The following IRAK2 variants were observed in gnomAD, a reference collection of about 807,000 sequenced individuals.
The protein encoded by IRAK2 is interleukin 1 receptor associated kinase 2, also known as interleukin-1 receptor-associated kinase-like 2.
In IRAK2, 57 loss-of-function variants were observed where a neutral mutation model predicts 72.0. That is an observed-to-expected ratio of 0.79 (90% CI 0.64 to 0.99). The LOEUF (loss-of-function observed/expected upper bound fraction) is 0.99, where lower values mean the gene tolerates loss of function less well. Ranked by LOEUF, IRAK2 falls within the 50% of genes least tolerant of loss-of-function variation. The probability of loss-of-function intolerance (pLI) is 0.00; values close to 1 mark genes in which losing one functional copy is unlikely to be tolerated. For synonymous variants in IRAK2, 293 were observed against 312.7 expected (o/e 0.94, Z 0.67); for missense variants, 790 against 794.4 (o/e 0.99, Z 0.07).
intron 8 of IRAK2, 103 bp from the exon 9 acceptor site, chr3:10,222,533 G>T: frequency 1.1e-6 from 1 of 887,788 alleles, no homozygotes; most frequent in South Asian, 1.5e-5. Context: ...ACCTCAACTT[G>T]CAGGAGGTGA....
chr3:10,215,801 A>G (rs1279815319), intron 6 of IRAK2, among the ~76,000 whole-genome samples: 1 of 149,806 alleles, frequency 6.7e-6, no homozygotes, highest in Non-Finnish European at 1.5e-5. Flanking sequence ...TACATCTAAT[A>G]AAAACTGGAA....
chr3:10,165,724 T>C lies in IRAK2; in HGVS notation c.94+676T>C, dbSNP rs1209842902. ...TTGGCCAGACTGGTCTTGAACTATT[T>C]TTTTTTTTTTTTTTTTTTTTTTTTA... On this transcript the variant is annotated intron_variant, in intron 1 of 12. Transcript: ENST00000256458. Among the ~76,000 whole-genome samples, 54 of 20,094 alleles carry C rather than the reference T, an allele frequency of 2.7e-3. 1 individual carries two copies. Among genetic ancestry groups the C allele is most frequent in the Non-Finnish European group, 7.3e-4 (7 of 9,638 alleles). The allele number at this position is 20,094 out of a possible 152,430, so 13.2% of individuals were successfully genotyped here.
Position 10,226,240 on chromosome 3 carries a change from G to C in IRAK2, c.1210-131G>C, listed in dbSNP as rs571312535. The C allele has an allele frequency of 4.4e-3, 2,615 of 588,846 alleles. 10 individuals carry two copies. Among genetic ancestry groups the C allele is most frequent in the Non-Finnish European group, 6.3e-3 (2,047 of 327,148 alleles). The allele number at this position is 588,846 out of a possible 1,614,324, so 36.5% of individuals were successfully genotyped here. On this transcript the variant is annotated intron_variant, in intron 9 of 12. Coordinates refer to ENST00000256458, the MANE Select transcript of IRAK2 (RefSeq NM_001570.4). Reference sequence around the variant, plus strand: ...GTGATATTCCCATGTTCCAGATTTTGGGCAGGTGTGTCTGCTGGCAATGGC... The same window carrying C: ...GTGATATTCCCATGTTCCAGATTTTCGGCAGGTGTGTCTGCTGGCAATGGC...
At chr3:10,231,234 C>T (rs1174260484) in intron 10 of IRAK2, among the ~76,000 whole-genome samples, 2 of 152,090 alleles carry the variant, frequency 1.3e-5, no homozygotes, top group African/African-American at 2.4e-5. Flanking sequence ...CAGGAGTTAC[C>T]TTTGGAGAGT....
At chr3:10,235,007 A>C (rs1453034840) in intron 11 of IRAK2, among the ~76,000 whole-genome samples, 3 of 152,132 alleles carry the variant, frequency 2.0e-5, no homozygotes, top group Non-Finnish European at 4.4e-5. Flanking sequence ...TAACAGAGAG[A>C]TGAGCCTCCA....
chr3:10,197,657 C>T lies in IRAK2; in HGVS notation c.278-2712C>T, dbSNP rs548026059. Among the ~76,000 whole-genome samples, 7 of 150,838 alleles carry T rather than the reference C, an allele frequency of 4.6e-5. No homozygotes were observed. The South Asian group carries it at 1.3e-3, about 27-fold the overall frequency. The stretch of plus-strand genomic sequence containing the variant: ...CATGAGGTCAGGAGATCGAGACCAT[C>T]CTGGCTAACACGCTGAAACCCTGTC... On this transcript the variant is annotated intron_variant, in intron 2 of 12. Transcript: ENST00000256458.
intron 1 of IRAK2, among the ~76,000 whole-genome samples, chr3:10,167,636 T>G (rs914372430): frequency 1.3e-5 from 2 of 152,068 alleles, no homozygotes; most frequent in Non-Finnish European, 2.9e-5. Flanking sequence ...AGGATGGTCT[T>G]GATCTCCTGA....
At chr3:10,227,681 G>GTT (rs768422141) in intron 10 of IRAK2, among the ~76,000 whole-genome samples, 23 of 149,018 alleles carry the variant, frequency 1.5e-4, no homozygotes, top group African/African-American at 5.2e-4. Flanking sequence ...TTTTGTTTTT[G>GTT]TTTTTGAGAC....
chr3:10,179,974 T>A (rs1251018332), intron 2 of IRAK2, among the ~76,000 whole-genome samples: 2 of 152,232 alleles, frequency 1.3e-5, no homozygotes, highest in African/African-American at 4.8e-5. Flanking sequence ...AGTATTGGAA[T>A]GTCTGGGTTG....
At chr3:10,220,780 T>C (rs531517217) in intron 8 of IRAK2, among the ~76,000 whole-genome samples, 10 of 152,168 alleles carry the variant, frequency 6.6e-5, no homozygotes, top group African/African-American at 2.2e-4. Flanking sequence ...ATAATTCTAA[T>C]AGCAGGCAAG....
chr3:10,213,326 C>T lies in IRAK2; in HGVS notation c.648C>T (p.Ile216=), dbSNP rs144071427. 246 of 1,614,118 alleles carry T rather than the reference C, an allele frequency of 1.5e-4. No individual in the cohort carries two copies. The African/African-American group carries it at 3.0e-3, about 20-fold the overall frequency. Residue 216 remains isoleucine (I), a synonymous_variant, in exon 5 of 13, where the codon ATC becomes ATT. Coordinates refer to ENST00000256458, the MANE Select transcript of IRAK2 (RefSeq NM_001570.4). ...ATGACTTCAATCAAAACCGCAAAAT[C>T]AGCCAGGGGACCTTTGCTGACGTCT... is the stretch of plus-strand genomic sequence containing the variant. ...ATDDFNQNRK[I]SQGTFADVYR...
intron 7 of IRAK2, among the ~76,000 whole-genome samples, chr3:10,218,183 G>C (rs1256669344): frequency 1.3e-5 from 2 of 152,176 alleles, no homozygotes; most frequent in Non-Finnish European, 2.9e-5. Context: ...CAGTACATTG[G>C]GAAGCCGAGG....
At chr3:10,191,870 C>T (rs1697180696) in intron 2 of IRAK2, among the ~76,000 whole-genome samples, 1 of 152,056 alleles carries the variant, frequency 6.6e-6, no homozygotes, top group African/African-American at 2.4e-5. Flanking sequence ...TCCCCATTCC[C>T]TAACACAAAA....
intron 10 of IRAK2, among the ~76,000 whole-genome samples, chr3:10,227,808 A>G (rs1697803610): frequency 6.6e-6 from 1 of 151,822 alleles, no homozygotes; most frequent in African/African-American, 2.4e-5. Context: ...AGCTGGGACT[A>G]CAGGCGCCCA....
chr3:10,192,893 T>A (rs1697199753), intron 2 of IRAK2, among the ~76,000 whole-genome samples: 1 of 152,160 alleles, frequency 6.6e-6, no homozygotes, highest in Non-Finnish European at 1.5e-5. Context: ...TACTCCAGCC[T>A]GGGCAACAGA....
At chr3:10,175,890 CAAAAAAAAAAA>C (rs59718922) in intron 1 of IRAK2, among the ~76,000 whole-genome samples, 5 of 53,712 alleles carry the variant, frequency 9.3e-5, no homozygotes, top group South Asian at 1.8e-3. Context: ...GACTCCGTCT[CAAAAAAAAAAA>C]AAAAAAAAAA....
intron 6 of IRAK2, among the ~76,000 whole-genome samples, 189 bp downstream of exon 6, chr3:10,213,737 T>C (rs1298098079): frequency 1.3e-5 from 2 of 152,144 alleles, no homozygotes; most frequent in Non-Finnish European, 2.9e-5. Flanking sequence ...GGGTTAAATG[T>C]CTCATCCAAG....
rs1045278507 is a variant in IRAK2 at position 10,225,702 on chromosome 3, T to G, written c.1210-669T>G. On this transcript the variant is annotated intron_variant, in intron 9 of 12. Coordinates refer to ENST00000256458, the MANE Select transcript of IRAK2 (RefSeq NM_001570.4). Reference sequence around the variant, plus strand: ...TGCCATAGCTGAAGGTTTTTTGGTGTTTTTTTTTTTTTTTGAGACGGAGTC... The same window carrying G: ...TGCCATAGCTGAAGGTTTTTTGGTGGTTTTTTTTTTTTTTGAGACGGAGTC... Among the ~76,000 whole-genome samples the G allele has an allele frequency of 2.4e-4, 20 of 84,922 alleles. 1 individual carries two copies. Among genetic ancestry groups the G allele is most frequent in the Non-Finnish European group, 3.8e-4 (18 of 47,522 alleles). 55.7% of individuals were successfully genotyped at this position (84,922 alleles called of 152,430 possible).
intron 7 of IRAK2, among the ~76,000 whole-genome samples, chr3:10,217,572 C>T (rs1452147416): frequency 2.0e-5 from 3 of 152,126 alleles, no homozygotes; most frequent in African/African-American, 7.2e-5. Flanking sequence ...TATGGAATGT[C>T]TCTGGAAAGA....
Sources: gnomAD v4.1 joint callset for allele counts (sites outside exome capture counted in the v4.1 genomes callset) on GRCh38, gnomAD v4.1.1 for gene constraint, MANE v1.5 for transcripts, NCBI Gene and HGNC (gene_info 2026-07-23, HGNC 2026-07-21) for gene names.